Variants in SEMA3A observed in about 807,000 individuals in gnomAD.
SEMA3A encodes the protein semaphorin-3A.
A neutral mutation model predicts 97.9 loss-of-function variants in SEMA3A; 29 were observed. The ratio of observed to expected loss-of-function variants is 0.30; its 90% CI spans 0.22 to 0.40. SEMA3A has a LOEUF of 0.40. Among genes scored for constraint, SEMA3A ranks in the 10% least tolerant of loss-of-function variants. The pLI, the probability that SEMA3A is intolerant of heterozygous loss-of-function variation, is 1.00. For missense variants in SEMA3A, 763 were observed against 951.3 expected (o/e 0.80, Z 2.60); for synonymous variants, 321 against 323.7 (o/e 0.99, Z 0.09).
chr7:84,389,224 T>C (rs1052178531), intron 1 of SEMA3A, among the ~76,000 whole-genome samples: 2 of 152,048 alleles, frequency 1.3e-5, no homozygotes, highest in African/African-American at 4.8e-5. Flanking sequence ...TTATTTAAGC[T>C]TTGACCTTCT....
At position 84,014,127 on chromosome 7, in the gene SEMA3A, A is replaced by G; in HGVS notation, c.810+82T>C. ...GCTTTAGCCATAATTTTTATTGTAT[A>G]TGCACACAGGTAGAAAATTTTAAAA... On this transcript the variant is annotated intron_variant, in intron 7 of 16. Coordinates refer to ENST00000265362, the MANE Select transcript of SEMA3A (RefSeq NM_006080.3). 5.2e-6 allele frequency: 6 copies of G among 1,164,594 alleles called. No individual in the cohort carries two copies. The East Asian group carries it at 1.4e-4, about 28-fold the overall frequency. The allele number at this position is 1,164,594 out of a possible 1,614,324, so 72.1% of individuals were successfully genotyped here. A position where few individuals can be genotyped will look rare whatever the true frequency, so the allele number is the denominator to read the frequency against.
At position 84,239,742 on chromosome 7, in the gene SEMA3A, A is replaced by G. The variant is rs528039050; in HGVS notation, c.-82-45074T>C. On this transcript the variant is annotated intron_variant, in intron 3 of 3. Transcript: ENST00000424555. Reference sequence around the variant, plus strand: ...CTTAGGACTTAAAGCTAAACCACATACTAATTTTTACCATCTTTGGAGGCC... The same window carrying G: ...CTTAGGACTTAAAGCTAAACCACATGCTAATTTTTACCATCTTTGGAGGCC... Among the ~76,000 whole-genome samples the G allele has an allele frequency of 2.0e-5, 3 of 152,238 alleles. No individual in the cohort carries two copies. In the East Asian group the frequency reaches 5.8e-4, roughly 29 times the overall value.
At chr7:84,470,779 A>G (rs1212509671) in intron 1 of SEMA3A, among the ~76,000 whole-genome samples, 5 of 152,060 alleles carry the variant, frequency 3.3e-5, no homozygotes, top group Admixed American at 3.3e-4. Context: ...AAAGAATAAA[A>G]GCTGGCCCAG....
chr7:84,274,975 T>C (rs919279020), intron 3 of SEMA3A, among the ~76,000 whole-genome samples: 1 of 152,010 alleles, frequency 6.6e-6, no homozygotes, highest in Non-Finnish European at 1.5e-5. Context: ...ACTATAGGGG[T>C]GTTAATCCAC....
chr7:84,059,705 G>A (rs1357852232), intron 5 of SEMA3A, among the ~76,000 whole-genome samples: 1 of 149,472 alleles, frequency 6.7e-6, no homozygotes, highest in Non-Finnish European at 1.5e-5. Context: ...ATATGTTCAA[G>A]AACAGAATCA....
intron 1 of SEMA3A, among the ~76,000 whole-genome samples, chr7:84,174,805 T>C (rs1037484894): frequency 3.9e-5 from 6 of 152,170 alleles, no homozygotes; most frequent in African/African-American, 1.4e-4. Flanking sequence ...AGAAGAAAGC[T>C]TTCACTTTTT....
At chr7:84,211,426 C>A (rs1004906148) in intron 3 of SEMA3A, among the ~76,000 whole-genome samples, 1 of 148,042 alleles carries the variant, frequency 6.8e-6, no homozygotes, top group Non-Finnish European at 1.5e-5. Context: ...GCCTGGCCAA[C>A]ATGGTGAAAC....
At chr7:83,968,656 G>A (rs1046050615) in intron 15 of SEMA3A, among the ~76,000 whole-genome samples, 1 of 151,956 alleles carries the variant, frequency 6.6e-6, no homozygotes, top group African/African-American at 2.4e-5. Flanking sequence ...CTCTATGTGT[G>A]TGACATTGTT....
At chr7:84,244,357 C>T (rs1799433121) in intron 3 of SEMA3A, among the ~76,000 whole-genome samples, 1 of 152,076 alleles carries the variant, frequency 6.6e-6, no homozygotes, top group African/African-American at 2.4e-5. Flanking sequence ...CCGTCTTTGT[C>T]TTTTTTGTTC....
intron 12 of SEMA3A, among the ~76,000 whole-genome samples, chr7:83,992,946 G>T (rs1790028408): frequency 1.1e-5 from 1 of 92,290 alleles, no homozygotes; most frequent in African/African-American, 4.0e-5. Flanking sequence ...CTAATGTGTG[G>T]GAGTCTAAGT....
chr7:84,007,410 T>A lies in SEMA3A; in HGVS notation c.1083A>T (p.Gly361=). ...GATAAGGCACCCATTGATAGTTGGG[T>A]CCATCCCTGTGGGCATATGGACCAA... The part of the protein sequence containing the change: ...VFLGPYAHRD[G]PNYQWVPYQG... Residue 361 remains glycine, a synonymous_variant, in exon 10 of 17, where the codon GGA becomes GGT. Coordinates refer to ENST00000265362, the MANE Select transcript of SEMA3A (RefSeq NM_006080.3). 6.2e-7 allele frequency: 1 copy of A among 1,609,494 alleles called. No homozygotes were observed.
At chr7:84,023,872 T>A (rs993681577) in intron 6 of SEMA3A, among the ~76,000 whole-genome samples, 1 of 151,464 alleles carries the variant, frequency 6.6e-6, no homozygotes, top group Non-Finnish European at 1.5e-5. Flanking sequence ...GTTAGCCGGG[T>A]GTGGTGGCGG....
intron 10 of SEMA3A, among the ~76,000 whole-genome samples, chr7:84,006,863 G>A (rs1790689595): frequency 6.6e-6 from 1 of 151,970 alleles, no homozygotes; most frequent in South Asian, 2.1e-4. Flanking sequence ...ACATATATAT[G>A]TCTATGTATG....
intron 3 of SEMA3A, among the ~76,000 whole-genome samples, chr7:84,235,011 T>C (rs1442935538): frequency 1.3e-5 from 2 of 152,090 alleles, no homozygotes; most frequent in African/African-American, 4.8e-5. Context: ...AACTTTTACA[T>C]CAACTTGTCT....
chr7:84,463,088 G>T (rs1398223363), intron 1 of SEMA3A, among the ~76,000 whole-genome samples: 4 of 151,916 alleles, frequency 2.6e-5, no homozygotes, highest in Non-Finnish European at 5.9e-5. Flanking sequence ...AACCACCAAA[G>T]TACTGAATCA....
At chr7:84,227,313 A>G (rs1159583689) in intron 3 of SEMA3A, among the ~76,000 whole-genome samples, 3 of 152,000 alleles carry the variant, frequency 2.0e-5, no homozygotes, top group Non-Finnish European at 2.9e-5. Context: ...ATATTTTTCA[A>G]TCTCAAAGCA....
chr7:84,053,829 A>G (rs1051089313), intron 5 of SEMA3A, among the ~76,000 whole-genome samples: 3 of 112,016 alleles, frequency 2.7e-5, no homozygotes, highest in African/African-American at 8.1e-5. Context: ...ACATTTTGGC[A>G]TGATTTTGCA....
At chr7:84,265,142 G>C (rs1194996731) in intron 3 of SEMA3A, among the ~76,000 whole-genome samples, 1 of 152,100 alleles carries the variant, frequency 6.6e-6, no homozygotes, top group Non-Finnish European at 1.5e-5. Flanking sequence ...CCAGGAATGA[G>C]GACTAATAAA....
intron 2 of SEMA3A, among the ~76,000 whole-genome samples, chr7:84,309,274 T>C (rs1801254990): frequency 6.6e-6 from 1 of 151,942 alleles, no homozygotes. Flanking sequence ...ACAGAGAAAA[T>C]TAAAGGATGA....
Sources: gnomAD v4.1 joint callset for allele counts (sites outside exome capture counted in the v4.1 genomes callset) on GRCh38, gnomAD v4.1.1 for gene constraint, MANE v1.5 for transcripts, NCBI Gene and HGNC (gene_info 2026-07-23, HGNC 2026-07-21) for gene names.